Variants in NAALADL2 observed in about 807,000 individuals in gnomAD.
NAALADL2 encodes N-acetylated alpha-linked acidic dipeptidase like 2.
In NAALADL2, 76 loss-of-function variants were observed where a neutral mutation model predicts 87.2. The observed-to-expected ratio is 0.87, with a 90% confidence interval of 0.72 to 1.05. NAALADL2 has a LOEUF of 1.05. NAALADL2 is among the 50% of genes least tolerant of loss of function. The probability of loss-of-function intolerance (pLI) is 0.00; values close to 1 mark genes in which losing one functional copy is unlikely to be tolerated. For missense variants in NAALADL2, 1,089 were observed against 945.8 expected (o/e 1.15, Z -1.99); for synonymous variants, 354 against 331.0 (o/e 1.07, Z -0.75).
intron 4 of NAALADL2, among the ~76,000 whole-genome samples, chr3:175,320,618 G>GA (rs946612895): frequency 6.6e-6 from 1 of 152,074 alleles, no homozygotes; most frequent in Non-Finnish European, 1.5e-5. Context: ...CTCAGCCCTG[G>GA]AAAAAATATG....
chr3:175,551,980 G>C lies in NAALADL2; in HGVS notation c.1654-24061G>C, dbSNP rs151048803. 5.1e-3 allele frequency among the ~76,000 whole-genome samples: 761 copies of C among 149,962 alleles called. 6 individuals carry two copies. Among genetic ancestry groups the C allele is most frequent in the African/African-American group, 0.018 (729 of 40,862 alleles). ...GGTTATCCCCTAGTATATTCTGTTT[G>C]TGATAAATGTAGAAATTTAATGTCA... On this transcript the variant is annotated intron_variant, in intron 9 of 13. Coordinates refer to ENST00000454872, the MANE Select transcript of NAALADL2 (RefSeq NM_207015.3).
At chr3:175,699,794 G>A (rs1468803844) in intron 11 of NAALADL2, among the ~76,000 whole-genome samples, 1 of 152,038 alleles carries the variant, frequency 6.6e-6, no homozygotes, top group Non-Finnish European at 1.5e-5. Flanking sequence ...TTCTTTCTCA[G>A]CATAGTCATT....
intron 9 of NAALADL2, among the ~76,000 whole-genome samples, chr3:175,498,472 A>G (rs527678482): frequency 6.6e-6 from 1 of 152,182 alleles, no homozygotes; most frequent in South Asian, 2.1e-4. Context: ...AACCTTGCCT[A>G]TGACTGACCT....
intron 1 of NAALADL2, among the ~76,000 whole-genome samples, chr3:175,046,635 G>A (rs1157826643): frequency 1.3e-5 from 2 of 152,090 alleles, no homozygotes; most frequent in African/African-American, 4.8e-5. Flanking sequence ...AAGCATACTG[G>A]CAAAAACTGC....
chr3:174,544,028 G>T (rs1225143374), intron 1 of NAALADL2, among the ~76,000 whole-genome samples: 2 of 149,668 alleles, frequency 1.3e-5, no homozygotes, highest in African/African-American at 4.9e-5. Context: ...AAAAAGAAAA[G>T]AAAGGCTTAA....
intron 11 of NAALADL2, among the ~76,000 whole-genome samples, chr3:175,679,276 T>C (rs1408016716): frequency 7.3e-6 from 1 of 136,616 alleles, no homozygotes; most frequent in African/African-American, 3.2e-5. Context: ...TAAAGTATAG[T>C]TAAAAAAAAA....
chr3:174,823,223 CTTGT>C (rs746565516), intron 3 of NAALADL2, among the ~76,000 whole-genome samples: 5 of 151,634 alleles, frequency 3.3e-5, no homozygotes, highest in South Asian at 2.1e-4. Flanking sequence ...TGTTTGTTTG[CTTGT>C]TTCTTTCCTC....
intron 1 of NAALADL2, among the ~76,000 whole-genome samples, chr3:174,970,177 A>T (rs977657771): frequency 6.6e-6 from 1 of 152,206 alleles, no homozygotes; most frequent in South Asian, 2.1e-4. Flanking sequence ...AAAAAATGAG[A>T]TTGATTGTAT....
chr3:174,554,927 A>G (rs1209852536), intron 2 of NAALADL2, among the ~76,000 whole-genome samples: 1 of 152,180 alleles, frequency 6.6e-6, no homozygotes, highest in Non-Finnish European at 1.5e-5. Context: ...GTGAAGTCCC[A>G]TTTCTCATAG....
At chr3:174,526,505 C>T (rs1720759908) in intron 1 of NAALADL2, among the ~76,000 whole-genome samples, 1 of 152,018 alleles carries the variant, frequency 6.6e-6, no homozygotes, top group Non-Finnish European at 1.5e-5. Flanking sequence ...TATTGCCTGG[C>T]ATATAATATA....
intron 2 of NAALADL2, among the ~76,000 whole-genome samples, chr3:175,210,327 A>T (rs1741586108): frequency 6.6e-6 from 1 of 151,930 alleles, no homozygotes; most frequent in Non-Finnish European, 1.5e-5. Context: ...AAAAAAAGAA[A>T]CATTCCATGT....
At chr3:174,866,574 A>G (rs886182161) in intron 1 of NAALADL2, among the ~76,000 whole-genome samples, 22 of 151,742 alleles carry the variant, frequency 1.4e-4, no homozygotes, top group African/African-American at 5.3e-4. Context: ...AGCTTACTCA[A>G]TTGTCTGTCC....
chr3:175,187,720 A>C (rs139214586), intron 2 of NAALADL2, among the ~76,000 whole-genome samples: 1 of 152,282 alleles, frequency 6.6e-6, no homozygotes, highest in Non-Finnish European at 1.5e-5. Flanking sequence ...CCATTAAGAT[A>C]TGTGAGAATG....
Position 174,940,656 on chromosome 3 carries a change from G to C in NAALADL2, c.43+81206G>C, listed in dbSNP as rs570636773. On this transcript the variant is annotated intron_variant, in intron 1 of 13. Transcript: ENST00000454872. ...TCCATCAGGTTCTGAGCATTTTTTTGGTTGGTAGGCTATTTATTACTGATT... is the reference window on the plus strand; with the variant it reads ...TCCATCAGGTTCTGAGCATTTTTTTCGTTGGTAGGCTATTTATTACTGATT... 9.2e-5 allele frequency among the ~76,000 whole-genome samples: 14 copies of C among 151,846 alleles called. No homozygotes were observed. The East Asian group carries it at 2.7e-3, about 29-fold the overall frequency.
chr3:175,117,091 C>T (rs1003419892), intron 2 of NAALADL2, among the ~76,000 whole-genome samples: 2 of 152,068 alleles, frequency 1.3e-5, no homozygotes, highest in East Asian at 1.9e-4. Context: ...CCCTTCCTTA[C>T]ACCTTGTACA....
At chr3:174,976,064 T>C (rs1238670166) in intron 1 of NAALADL2, among the ~76,000 whole-genome samples, 1 of 152,166 alleles carries the variant, frequency 6.6e-6, no homozygotes, top group African/African-American at 2.4e-5. Context: ...AAAACCCAAA[T>C]ACAATTATGT....
At chr3:175,357,326 CA>C (rs1192667653) in intron 5 of NAALADL2, among the ~76,000 whole-genome samples, 1 of 152,078 alleles carries the variant, frequency 6.6e-6, no homozygotes, top group Non-Finnish European at 1.5e-5. Context: ...ACATGTATCA[CA>C]AAAAGTAAGA....
intron 5 of NAALADL2, among the ~76,000 whole-genome samples, chr3:175,414,738 A>G (rs1458205885): frequency 6.6e-6 from 1 of 152,204 alleles, no homozygotes; most frequent in African/African-American, 2.4e-5. Context: ...AAGAGCAAAC[A>G]TGAAAGTGGT....
At chr3:174,975,725 T>A (rs915876726) in intron 1 of NAALADL2, among the ~76,000 whole-genome samples, 1 of 152,202 alleles carries the variant, frequency 6.6e-6, no homozygotes, top group South Asian at 2.1e-4. Context: ...AACCATGTTA[T>A]GAGTTGACTC....
Sources: allele counts gnomAD v4.1 joint callset (sites outside exome capture counted in the v4.1 genomes callset), GRCh38; gene constraint gnomAD v4.1.1; transcripts MANE v1.5; gene names NCBI Gene and HGNC (gene_info 2026-07-23, HGNC 2026-07-21).